Variants in KIF3C observed in about 807,000 individuals in gnomAD.
The protein encoded by KIF3C is kinesin-like protein KIF3C.
A neutral mutation model predicts 67.7 loss-of-function variants in KIF3C; 12 were observed. The observed-to-expected ratio is 0.18, with a 90% CI of 0.11 to 0.29. The LOEUF is 0.29. KIF3C is among the 10% of genes least tolerant of loss of function. KIF3C has a pLI of 1.00. For synonymous variants in KIF3C, 393 were observed against 426.2 expected (o/e 0.92, Z 0.96); for missense variants, 789 against 1,059.6 (o/e 0.74, Z 3.55).
At position 25,951,946 on chromosome 2, in the gene KIF3C, C is replaced by T. The variant is rs753500830; in HGVS notation, c.1890-41G>A. 45 of 1,322,076 alleles carry T rather than the reference C, an allele frequency of 3.4e-5. No individual in the cohort carries two copies. In the African/African-American group the frequency reaches 3.8e-4, roughly 11 times the overall value. The allele number at this position is 1,322,076 out of a possible 1,614,324, so 81.9% of individuals were successfully genotyped here. On this transcript the variant is annotated intron_variant, in intron 4 of 7. Coordinates refer to ENST00000264712, the MANE Select transcript of KIF3C (RefSeq NM_002254.8). ...AAGGAGTGATGGGAAAATGGGTGAGCGAGAGACCACGTGGTGCATGTGAGG... is the reference window on the plus strand; with the variant it reads ...AAGGAGTGATGGGAAAATGGGTGAGTGAGAGACCACGTGGTGCATGTGAGG...
Position 25,981,088 on chromosome 2 carries a change from C to T in KIF3C, c.830G>A (p.Gly277Asp). 1 of 1,614,120 alleles carries T rather than the reference C, an allele frequency of 6.2e-7. No individual in the cohort carries two copies. Among genetic ancestry groups the T allele is most frequent in the Non-Finnish European group, 8.5e-7 (1 of 1,179,992 alleles). ...PSSGGGGGGG[G>D]SGGGAGGERP... The stretch of plus-strand genomic sequence containing the variant: ...CTCTCCACCAGCACCACCACCACTG[C>T]CTCCACCGCCACCACCGCCACCCGA... Residue 277 changes from glycine to aspartate, a missense_variant, in exon 1 of 8, where the codon GGC becomes GAC. This residue lies in a region of KIF3C where 648 missense variants were observed against 807.8 expected (regional missense o/e 0.80). Transcript: ENST00000264712. The surrounding 1 kb of genome is among the most constrained non-coding windows in gnomAD (Gnocchi z 8.2).
Position 25,980,505 on chromosome 2 carries a change from C to G in KIF3C, c.1413G>C (p.Glu471Asp). 1 of 1,614,134 alleles carries G rather than the reference C, an allele frequency of 6.2e-7. No homozygotes were observed. Among genetic ancestry groups the G allele is most frequent in the Non-Finnish European group, 8.5e-7 (1 of 1,180,004 alleles). The change falls in exon 1 of 8, where the codon GAG becomes GAC. Residue 471 changes from glutamate (E) to aspartate (D), a missense_variant. By Grantham distance (45) the Glu-to-Asp change is conservative. Transcript: ENST00000264712. This position sits in a 1 kb window ranked among gnomAD's most constrained non-coding sequence, Gnocchi z 7.6. Reference protein sequence around the residue: ...LQEQKERLEEEKAAIQDDRSL... With the variant: ...LQEQKERLEEDKAAIQDDRSL... ...TGCGGTCATCCTGGATGGCTGCCTT[C>G]TCCTCCTCCAGCCGCTCCTTCTGTT...
intron 5 of KIF3C, among the ~76,000 whole-genome samples, chr2:25,947,009 AC>A (rs1018578570): frequency 6.6e-6 from 1 of 150,756 alleles, no homozygotes; most frequent in Non-Finnish European, 1.5e-5. Flanking sequence ...AAAAAATTTA[AC>A]CAAGTGTGGT....
rs768013320 is a variant in KIF3C at position 25,981,227 on chromosome 2, A to G, written c.691T>C (p.Ser231Pro). Residue 231 changes from serine (S) to proline (P), a missense_variant, in exon 1 of 8, where the codon TCT becomes CCT. Ser to Pro is a moderately conservative substitution (Grantham distance 74, BLOSUM62 -1). This residue lies in a region of KIF3C where 648 missense variants were observed against 807.8 expected (regional missense o/e 0.80). Coordinates refer to ENST00000264712, the MANE Select transcript of KIF3C (RefSeq NM_002254.8). This position sits in a 1 kb window ranked among gnomAD's most constrained non-coding sequence, Gnocchi z 8.2. Reference protein sequence around the residue: ...IITVECSERGSDGQDHIRVGK... With the variant: ...IITVECSERGPDGQDHIRVGK... ...ACTCGGATGTGGTCCTGGCCATCAG[A>G]GCCACGTTCGCTGCACTCCACAGTG... 1.9e-6 allele frequency: 3 copies of G among 1,614,012 alleles called. No individual in the cohort carries two copies. The highest frequency in any genetic ancestry group is 2.2e-5 in the East Asian group (1 of 44,896).
At chr2:25,943,334 C>T (rs1663344277) in intron 5 of KIF3C, among the ~76,000 whole-genome samples, 2 of 152,082 alleles carry the variant, frequency 1.3e-5, no homozygotes, top group Non-Finnish European at 2.9e-5. Flanking sequence ...ACCTCCCTGC[C>T]CTCAACCTTC....
rs1349369251 is a variant in KIF3C, at chr2:25,955,053, C to T, written c.1770+488G>A. On this transcript the variant is annotated intron_variant, in intron 3 of 7. Coordinates refer to ENST00000264712, the MANE Select transcript of KIF3C (RefSeq NM_002254.8). This position sits in a 1 kb window ranked among gnomAD's most constrained non-coding sequence, Gnocchi z 5.0. ...GCTTTGCTGCTTCCTGCCCTAGACC[C>T]CCCTCACATGTACATGTCTTTCCCT... Among the ~76,000 whole-genome samples the T allele has an allele frequency of 6.6e-6, 1 of 152,306 alleles. No homozygotes were observed. Among genetic ancestry groups the T allele is most frequent in the African/African-American group, 2.4e-5 (1 of 41,572 alleles).
chr2:25,929,321 G>A lies in KIF3C; in HGVS notation c.2272C>T (p.Arg758Ter), dbSNP rs1458769497. The change falls in exon 7 of 8, where the codon CGA becomes TGA. Residue 758 changes from arginine to a stop codon, truncating the protein, a stop_gained. Coordinates refer to ENST00000264712, the MANE Select transcript of KIF3C (RefSeq NM_002254.8). LOFTEE classifies it high-confidence loss of function. ...GGTACTGACCAGGATCTGGACTTTC[G>A]GACTTTAGACGTGGAAGGTCTTTCC... Reference protein sequence around the residue: ...FLERPSTSKVRKSRSWCQSPQ... With the variant: ...FLERPSTSKV The A allele has an allele frequency of 1.9e-6, 3 of 1,613,906 alleles. No homozygotes were observed. The highest frequency in any genetic ancestry group is 2.5e-6 in the Non-Finnish European group (3 of 1,179,960).
chr2:25,950,413 G>T (rs924760317), intron 5 of KIF3C, among the ~76,000 whole-genome samples: 3 of 150,670 alleles, frequency 2.0e-5, no homozygotes, highest in African/African-American at 7.3e-5. Context: ...GTAGAGATGG[G>T]GTTTCACTAT....
rs1037520198 is a variant in KIF3C at position 25,955,085 on chromosome 2, G to A, written c.1770+456C>T. On this transcript the variant is annotated intron_variant, in intron 3 of 7. Transcript: ENST00000264712. This position sits in a 1 kb window ranked among gnomAD's most constrained non-coding sequence, Gnocchi z 5.0. ...CATGTACATGTCTTTCCCTTGCCAC[G>A]GGCTTTGCAGGGTTCTGGTGAGCGG... 6.6e-6 allele frequency among the ~76,000 whole-genome samples: 1 copy of A among 152,106 alleles called. No homozygotes were observed. The highest frequency in any genetic ancestry group is 2.4e-5 in the African/African-American group (1 of 41,406).
intron 5 of KIF3C, among the ~76,000 whole-genome samples, chr2:25,949,336 G>A (rs1179659107): frequency 6.6e-6 from 1 of 152,118 alleles, no homozygotes; most frequent in Admixed American, 6.6e-5. Context: ...AACTTTGAGA[G>A]GACAAGGCAG....
intron 5 of KIF3C, among the ~76,000 whole-genome samples, chr2:25,942,311 T>A (rs1030434927): frequency 4.1e-4 from 63 of 151,946 alleles, no homozygotes; most frequent in African/African-American, 1.3e-3. Flanking sequence ...TGAGCTGAGA[T>A]CACGCCATTG....
Position 25,977,347 on chromosome 2 carries a change from C to T in KIF3C, c.1545+3026G>A, listed in dbSNP as rs537255838. ...GCATCAACTACCACTTAGCTGCCCC[C>T]AGAGGGTGGCATGAACTGGAAGAAG... On this transcript the variant is annotated intron_variant, in intron 1 of 7. Coordinates refer to ENST00000264712, the MANE Select transcript of KIF3C (RefSeq NM_002254.8). Among the ~76,000 whole-genome samples the T allele has an allele frequency of 1.6e-4, 25 of 152,248 alleles. 1 individual carries two copies. In the South Asian group the frequency reaches 5.2e-3, roughly 32 times the overall value.
chr2:25,957,547 T>C (rs1350851660), intron 1 of KIF3C, among the ~76,000 whole-genome samples: 3 of 151,998 alleles, frequency 2.0e-5, no homozygotes, highest in Non-Finnish European at 2.9e-5. Flanking sequence ...TCCTGGAAGG[T>C]TGAAATCACC....
Position 25,948,343 on chromosome 2 carries a change from C to T in KIF3C, c.2006+3446G>A, listed in dbSNP as rs1022572416. On this transcript the variant is annotated intron_variant, in intron 5 of 7. Transcript: ENST00000264712. Reference sequence around the variant, plus strand: ...AGTAGGAGGGGGATCGCTTAAGCCCCGGACCTCACGACCAGCCTAGGCAAC... The same window carrying T: ...AGTAGGAGGGGGATCGCTTAAGCCCTGGACCTCACGACCAGCCTAGGCAAC... 3.3e-5 allele frequency among the ~76,000 whole-genome samples: 5 copies of T among 151,980 alleles called. No homozygotes were observed. The South Asian group carries it at 8.3e-4, about 25-fold the overall frequency.
chr2:25,951,973 T>C, intron 4 of KIF3C, 68 bp from the exon 5 acceptor site: 1 of 1,096,980 alleles, frequency 9.1e-7, no homozygotes, highest in Non-Finnish European at 1.4e-6. Flanking sequence ...CATGTGAGGG[T>C]TGAAGGATTA....
In KIF3C at chr2:25,981,832, T is replaced by C. The variant is rs142286771; in HGVS notation, c.86A>G (p.His29Arg). 9.9e-6 allele frequency: 16 copies of C among 1,611,356 alleles called. No homozygotes were observed. Among genetic ancestry groups the C allele is most frequent in the African/African-American group, 1.3e-5 (1 of 75,022 alleles). Residue 29 changes from histidine (H) to arginine (R), a missense_variant, in exon 1 of 8, where the codon CAC (histidine) becomes CGC (arginine). By Grantham distance (29) the His-to-Arg change is conservative. Transcript: ENST00000264712. The surrounding 1 kb of genome is among the most constrained non-coding windows in gnomAD (Gnocchi z 8.2). ...CACGTCCATGGTCAGGATCTGCTCG[T>C]GACCAGCAGCCTCCTCCTTCCTGCT... ...PLSRKEEAAGHEQILTMDVKL... is the reference protein window; with the variant it reads ...PLSRKEEAAGREQILTMDVKL...
intron 5 of KIF3C, among the ~76,000 whole-genome samples, chr2:25,939,256 CCG>C (rs1211076198): frequency 1.3e-5 from 2 of 152,192 alleles, no homozygotes; most frequent in African/African-American, 2.4e-5. Context: ...GTGTGAGCCA[CCG>C]CGGCTGGCCT....
chr2:25,963,174 G>GTA (rs1553716012), intron 1 of KIF3C, among the ~76,000 whole-genome samples: 2,679 of 34,206 alleles, frequency 0.078, 249 homozygotes, highest in Middle Eastern at 0.091. Context: ...ATGTGTGTGT[G>GTA]TATATATATA....
intron 5 of KIF3C, among the ~76,000 whole-genome samples, chr2:25,944,347 C>CTT (rs34983264): frequency 0.046 from 6,140 of 133,948 alleles, 202 homozygotes; most frequent in African/African-American, 0.078. Context: ...TCATAATTGC[C>CTT]TTTTTTTTTT....
Sources: allele counts gnomAD v4.1 joint callset (sites outside exome capture counted in the v4.1 genomes callset), GRCh38; gene constraint gnomAD v4.1.1; regional missense constraint gnomAD v4.1.1; non-coding constraint Gnocchi (gnomAD v3.1); transcripts MANE v1.5; gene names NCBI Gene and HGNC (gene_info 2026-07-23, HGNC 2026-07-21).